The following ZNF536 variants were observed in gnomAD, a reference collection of about 807,000 sequenced individuals.
ZNF536 encodes zinc finger protein 536.
A neutral mutation model predicts 84.5 loss-of-function variants in ZNF536; 13 were observed. That is an observed-to-expected ratio of 0.15 (90% CI 0.10 to 0.24). ZNF536 has a LOEUF of 0.24. Among genes scored for constraint, ZNF536 ranks in the 10% least tolerant of loss-of-function variants. The pLI is 1.00. For missense variants in ZNF536, 1,536 were observed against 1,747.5 expected, an observed-to-expected ratio of 0.88 and a Z score of 2.16; for synonymous variants, 811 against 742.5, an observed-to-expected ratio of 1.09 and a Z score of -1.50.
At chr19:30,318,423 G>A (rs1340600001) in intron 2 of ZNF536, among the ~76,000 whole-genome samples, 7 of 152,256 alleles carry the variant, frequency 4.6e-5, no homozygotes, top group Non-Finnish European at 8.8e-5. Context: ...GCTAGGGCGG[G>A]CAGATGCCTT....
rs559815141 is a variant in ZNF536, at chr19:30,576,532, C to A, written c.169+27018C>A. ...GACCTCCTGGGGAATTGACAGCTGTCCAGAAGCTGCAGATAGGCTGTGCTC... is the reference window on the plus strand; with the variant it reads ...GACCTCCTGGGGAATTGACAGCTGTACAGAAGCTGCAGATAGGCTGTGCTC... On this transcript the variant is annotated intron_variant, in intron 1 of 1. Transcript: ENST00000592773. Among the ~76,000 whole-genome samples the A allele has an allele frequency of 7.2e-5, 11 of 152,308 alleles. 1 individual carries two copies. In the South Asian group the frequency reaches 2.3e-3, roughly 32 times the overall value.
intron 1 of ZNF536, among the ~76,000 whole-genome samples, chr19:30,571,257 C>A (rs1351345938): frequency 6.6e-6 from 1 of 152,128 alleles, no homozygotes; most frequent in Non-Finnish European, 1.5e-5. Context: ...GCTGTGTCCC[C>A]AGTAGAGGTG....
intron 1 of ZNF536, among the ~76,000 whole-genome samples, chr19:30,646,443 T>C (rs960450288): frequency 6.6e-6 from 1 of 152,146 alleles, no homozygotes; most frequent in Non-Finnish European, 1.5e-5. Flanking sequence ...CTTTGCAAGG[T>C]GTGAAGGTGT....
chr19:30,625,614 G>A (rs982935220), intron 1 of ZNF536, among the ~76,000 whole-genome samples: 1 of 152,184 alleles, frequency 6.6e-6, no homozygotes, highest in Non-Finnish European at 1.5e-5. Context: ...TTCACTCAAG[G>A]TCATAATGTT....
At chr19:30,689,825 T>TA (rs2051339372) in intron 1 of ZNF536, among the ~76,000 whole-genome samples, 2 of 151,862 alleles carry the variant, frequency 1.3e-5, no homozygotes, top group African/African-American at 4.8e-5. Context: ...AAGAGAAGAA[T>TA]AAAAAAACAG....
At chr19:30,238,761 A>G (rs1218834832) in intron 1 of ZNF536, among the ~76,000 whole-genome samples, 2 of 152,074 alleles carry the variant, frequency 1.3e-5, no homozygotes, top group Non-Finnish European at 2.9e-5. Context: ...CTTTGAAACC[A>G]TTGCATCAAC....
At position 30,468,402 on chromosome 19, in the gene ZNF536, T is replaced by G. The variant is rs1038509945; in HGVS notation, c.2170+22670T>G. 2.2e-4 allele frequency among the ~76,000 whole-genome samples: 34 copies of G among 152,230 alleles called. No individual in the cohort carries two copies. In the Middle Eastern group the frequency reaches 0.01, roughly 46 times the overall value. ...CCAAGCTTCGGTGGGCCTGGTGGGCTGGCCAAGTGTCATAGCTGCTGCCTG... is the reference window on the plus strand; with the variant it reads ...CCAAGCTTCGGTGGGCCTGGTGGGCGGGCCAAGTGTCATAGCTGCTGCCTG... On this transcript the variant is annotated intron_variant, in intron 2 of 4. Coordinates refer to ENST00000355537, the MANE Select transcript of ZNF536 (RefSeq NM_014717.3).
chr19:30,261,415 G>A (rs2025214390), intron 1 of ZNF536, among the ~76,000 whole-genome samples: 2 of 151,820 alleles, frequency 1.3e-5, no homozygotes, highest in South Asian at 4.1e-4. Context: ...GAAAAGAGTA[G>A]GTGCGGTGGC....
intron 1 of ZNF536, among the ~76,000 whole-genome samples, chr19:30,422,574 C>T (rs1247789177): frequency 6.6e-6 from 1 of 152,174 alleles, no homozygotes; most frequent in Non-Finnish European, 1.5e-5. Context: ...GGTCTTGACC[C>T]TCTTCCTTTC....
At chr19:30,268,130 A>G (rs1285819332) in intron 1 of ZNF536, among the ~76,000 whole-genome samples, 1 of 134,692 alleles carries the variant, frequency 7.4e-6, no homozygotes, top group African/African-American at 2.8e-5. Flanking sequence ...AGGGCTTCTC[A>G]TTTTCCTGAG....
chr19:30,396,592 CTTTTTT>C (rs386388859), intron 1 of ZNF536, among the ~76,000 whole-genome samples: 3 of 112,394 alleles, frequency 2.7e-5, no homozygotes, highest in African/African-American at 6.7e-5. Flanking sequence ...AGGGCTCTCT[CTTTTTT>C]TTTTTTTTTT....
At chr19:30,330,717 C>T (rs999054531) in intron 2 of ZNF536, among the ~76,000 whole-genome samples, 7 of 152,102 alleles carry the variant, frequency 4.6e-5, no homozygotes, top group Admixed American at 1.3e-4. Context: ...TGTACTCATT[C>T]GGGATCAGAA....
At chr19:30,709,026 G>A (rs1327137270) in intron 1 of ZNF536, among the ~76,000 whole-genome samples, 1 of 152,096 alleles carries the variant, frequency 6.6e-6, no homozygotes, top group Non-Finnish European at 1.5e-5. Context: ...TTCCAGGAAC[G>A]GCTCATCAAC....
At chr19:30,411,686 A>G (rs2147706987) in intron 1 of ZNF536, among the ~76,000 whole-genome samples, 1 of 152,198 alleles carries the variant, frequency 6.6e-6, no homozygotes, top group South Asian at 2.1e-4. Context: ...ATACTACCAC[A>G]TTATTTCAAT....
chr19:30,388,149 A>G (rs2049423280), intron 1 of ZNF536, among the ~76,000 whole-genome samples: 2 of 152,206 alleles, frequency 1.3e-5, no homozygotes. Context: ...GTGTGTCTAT[A>G]AGATTTCCCG....
intron 1 of ZNF536, among the ~76,000 whole-genome samples, chr19:30,261,697 C>CAAAAA (rs56820609): frequency 4.4e-4 from 44 of 99,676 alleles, no homozygotes; most frequent in East Asian, 1.2e-3. Context: ...GGACCTTGTC[C>CAAAAA]AAAAAAAAAA....
Position 30,549,022 on chromosome 19 carries a change from C to A in ZNF536, c.3403C>A (p.Pro1135Thr), listed in dbSNP as rs373280834. 6.2e-7 allele frequency: 1 copy of A among 1,614,176 alleles called. No homozygotes were observed. The highest frequency in any genetic ancestry group is 1.1e-5 in the South Asian group (1 of 91,084). ...CTCCAGTTCCTGCCCCAACAAGGAG[C>A]CTGATGGAAAGGCCCACTCTGAAGA... ...GASSSCPNKE[P>T]DGKAHSEEDV... The change falls in exon 4 of 5, where the codon CCT becomes ACT. Residue 1135 changes from proline (P) to threonine (T), a missense_variant. Pro to Thr is a conservative substitution (Grantham distance 38). Coordinates refer to ENST00000355537, the MANE Select transcript of ZNF536 (RefSeq NM_014717.3).
chr19:30,649,561 T>C (rs1446473137), intron 1 of ZNF536, among the ~76,000 whole-genome samples: 1 of 151,626 alleles, frequency 6.6e-6, no homozygotes, highest in African/African-American at 2.4e-5. Flanking sequence ...TTTTTTTTTT[T>C]TTTTTTGCTA....
At position 30,453,353 on chromosome 19, in the gene ZNF536, G is replaced by A. The variant is rs543862150; in HGVS notation, c.2170+7621G>A. On this transcript the variant is annotated intron_variant, in intron 2 of 4. Transcript: ENST00000355537. ...GCTCTTTGCTGTCTGTGGGGCCCTC[G>A]GTTCATCCTCGAGCCAGGTCTGGTT... 1.5e-4 allele frequency among the ~76,000 whole-genome samples: 23 copies of A among 152,228 alleles called. 1 individual carries two copies. In the East Asian group the frequency reaches 3.3e-3, roughly 22 times the overall value.
Sources: allele counts gnomAD v4.1 joint callset (sites outside exome capture counted in the v4.1 genomes callset), GRCh38; gene constraint gnomAD v4.1.1; transcripts MANE v1.5; gene names NCBI Gene and HGNC (gene_info 2026-07-23, HGNC 2026-07-21).